The following JAZF1 variants were observed in gnomAD, a reference collection of about 807,000 sequenced individuals.
JAZF1 encodes juxtaposed with another zinc finger protein 1.
In JAZF1, 8 loss-of-function variants were observed where a neutral mutation model predicts 26.4. The observed-to-expected ratio is 0.30, with a 90% CI of 0.18 to 0.55. JAZF1 has a LOEUF of 0.55. Among genes scored for constraint, JAZF1 ranks in the 20% least tolerant of loss-of-function variants. JAZF1 has a pLI of 0.94. For missense variants in JAZF1, 199 were observed against 322.0 expected, an observed-to-expected ratio of 0.62 and a Z score of 2.92; for synonymous variants, 126 against 122.3, an observed-to-expected ratio of 1.03 and a Z score of -0.20.
chr7:28,137,868 T>C (rs552064218), intron 1 of JAZF1, among the ~76,000 whole-genome samples: 1 of 152,312 alleles, frequency 6.6e-6, no homozygotes, highest in East Asian at 1.9e-4. Context: ...CGTGTATTCA[T>C]TCAATTGTCA....
At chr7:27,846,411 A>T in intron 3 of JAZF1, 2 of 460,774 alleles carry the variant, frequency 4.3e-6, no homozygotes, top group South Asian at 3.2e-5. Context: ...ATACATGTAT[A>T]TATATACATA....
At chr7:27,833,019 T>G in intron 4 of JAZF1, 43 bp from the exon 5 acceptor site, 2 of 1,470,912 alleles carry the variant, frequency 1.4e-6, no homozygotes, top group Non-Finnish European at 1.8e-6. Context: ...ATTCACAGGA[T>G]ACCTGTCAAA....
intron 1 of JAZF1, among the ~76,000 whole-genome samples, chr7:28,021,143 A>G (rs1783000125): frequency 1.3e-5 from 2 of 152,128 alleles, no homozygotes; most frequent in African/African-American, 4.8e-5. Context: ...GGTGAAGTAA[A>G]GGAAGATTGG....
intron 1 of JAZF1, among the ~76,000 whole-genome samples, chr7:28,015,889 C>A (rs568557157): frequency 2.4e-4 from 37 of 152,024 alleles, no homozygotes; most frequent in Non-Finnish European, 4.0e-4. Context: ...TGCTCTAGGT[C>A]CCCCCTGCTC....
At chr7:27,900,053 C>A (rs962704752) in intron 2 of JAZF1, among the ~76,000 whole-genome samples, 3 of 152,166 alleles carry the variant, frequency 2.0e-5, no homozygotes, top group Non-Finnish European at 4.4e-5. Flanking sequence ...GACCACTGGG[C>A]TCCCCGGTTG....
chr7:28,172,765 A>G (rs768644631), intron 1 of JAZF1, among the ~76,000 whole-genome samples: 6 of 152,178 alleles, frequency 3.9e-5, no homozygotes, highest in Non-Finnish European at 7.4e-5. Context: ...GACCCCAGGT[A>G]AGCTGGCACG....
chr7:27,991,994 C>T lies in JAZF1; in HGVS notation c.116-13G>A. On this transcript the variant is annotated splice_polypyrimidine_tract_variant and intron_variant, in intron 1 of 4. Transcript: ENST00000283928. ...CGTGGATCTGTATCTGTAATAAAAA[C>T]ACAATTACGATTTTTTTTAGATTTT... The T allele has an allele frequency of 1.3e-6, 2 of 1,534,212 alleles. No individual in the cohort carries two copies. The highest frequency in any genetic ancestry group is 1.8e-6 in the Non-Finnish European group (2 of 1,107,908).
chr7:28,006,235 G>T (rs1171146435), intron 1 of JAZF1, among the ~76,000 whole-genome samples: 25 of 152,132 alleles, frequency 1.6e-4, no homozygotes, highest in Admixed American at 1.6e-3. Context: ...CAGGCGTGGT[G>T]GTGTGCTCCT....
At chr7:27,928,728 GC>G (rs1339060983) in intron 2 of JAZF1, among the ~76,000 whole-genome samples, 1 of 152,196 alleles carries the variant, frequency 6.6e-6, no homozygotes, top group African/African-American at 2.4e-5. Context: ...ATAAGTGGGA[GC>G]TAAATGATGA....
At chr7:27,861,832 C>G (rs1389164180) in intron 3 of JAZF1, among the ~76,000 whole-genome samples, 9 of 152,196 alleles carry the variant, frequency 5.9e-5, no homozygotes, top group Non-Finnish European at 1.5e-5. Flanking sequence ...TGGAGGGGGA[C>G]CACCTCACAG....
At chr7:27,859,507 G>A (rs547307546) in intron 3 of JAZF1, among the ~76,000 whole-genome samples, 11 of 152,280 alleles carry the variant, frequency 7.2e-5, no homozygotes, top group Non-Finnish European at 1.6e-4. Flanking sequence ...AAGAAAATGT[G>A]GCACATATAC....
At chr7:28,085,313 T>C (rs1462416322) in intron 1 of JAZF1, among the ~76,000 whole-genome samples, 1 of 152,228 alleles carries the variant, frequency 6.6e-6, no homozygotes, top group African/African-American at 2.4e-5. Flanking sequence ...TACCATACCA[T>C]GTTTAAAATG....
At chr7:27,854,566 G>A (rs1562766501) in intron 3 of JAZF1, among the ~76,000 whole-genome samples, 1 of 152,120 alleles carries the variant, frequency 6.6e-6, no homozygotes, top group Non-Finnish European at 1.5e-5. Context: ...CAGGCCTGGT[G>A]GTGACAAAAT....
At chr7:27,859,473 C>G (rs1783336387) in intron 3 of JAZF1, among the ~76,000 whole-genome samples, 1 of 152,174 alleles carries the variant, frequency 6.6e-6, no homozygotes, top group Non-Finnish European at 1.5e-5. Flanking sequence ...TGGAACCAAC[C>G]CAAATGTCCA....
At chr7:27,953,839 A>C (rs953492559) in intron 2 of JAZF1, among the ~76,000 whole-genome samples, 1 of 152,204 alleles carries the variant, frequency 6.6e-6, no homozygotes, top group Admixed American at 6.5e-5. Context: ...ATCTGGAGAA[A>C]AGATGGATGT....
intron 2 of JAZF1, among the ~76,000 whole-genome samples, chr7:27,909,150 T>C: frequency 6.6e-6 from 1 of 151,680 alleles, no homozygotes; most frequent in Non-Finnish European, 1.5e-5. Context: ...GCTAGGACTA[T>C]AGTTGCACAC....
chr7:28,178,187 T>C (rs2127956517), intron 1 of JAZF1, among the ~76,000 whole-genome samples: 1 of 152,282 alleles, frequency 6.6e-6, no homozygotes, highest in Non-Finnish European at 1.5e-5. Context: ...AAAGCTGAGT[T>C]TTAGAAAACG....
chr7:27,839,584 A>G (rs1048956508), intron 4 of JAZF1, among the ~76,000 whole-genome samples: 3 of 152,208 alleles, frequency 2.0e-5, no homozygotes, highest in Non-Finnish European at 2.9e-5. Flanking sequence ...CTCCTCTGCC[A>G]GCCCTCAGAG....
chr7:28,093,473 G>A (rs1784334672), intron 1 of JAZF1, among the ~76,000 whole-genome samples: 1 of 152,130 alleles, frequency 6.6e-6, no homozygotes, highest in African/African-American at 2.4e-5. Flanking sequence ...TTTATCAGCA[G>A]CGTTATCAGC....
Sources: gnomAD v4.1 joint callset for allele counts (sites outside exome capture counted in the v4.1 genomes callset) on GRCh38, gnomAD v4.1.1 for gene constraint, MANE v1.5 for transcripts, NCBI Gene and HGNC (gene_info 2026-07-23, HGNC 2026-07-21) for gene names.